OXTR: variants seen among roughly 807,000 people sequenced by gnomAD.
OXTR encodes oxytocin receptor.
In OXTR, 19 loss-of-function variants were observed where a neutral mutation model predicts 23.9. The ratio of observed to expected loss-of-function variants is 0.80; its 90% CI spans 0.56 to 1.17. The LOEUF (loss-of-function observed/expected upper bound fraction) is 1.17. OXTR is among the 50% of genes most tolerant of loss of function. The pLI, the probability that OXTR is intolerant of heterozygous loss-of-function variation, is 0.00. For missense variants in OXTR, 500 were observed against 550.7 expected, an observed-to-expected ratio of 0.91 and a Z score of 0.92; for synonymous variants, 278 against 250.5, an observed-to-expected ratio of 1.11 and a Z score of -1.04.
At chr3:8,748,609 T>C (rs578002891), downstream of OXTR, among the ~76,000 whole-genome samples, 37 of 152,208 alleles carry the variant, frequency 2.4e-4, no homozygotes, top group Non-Finnish European at 4.0e-4. Flanking sequence ...TAGTGCACTC[T>C]CTATCAAGCA....
At chr3:8,744,425 C>G in the OXTR span, among the ~76,000 whole-genome samples, 1 of 151,162 alleles carries the variant, frequency 6.6e-6, no homozygotes, top group African/African-American at 2.4e-5. Flanking sequence ...ACTACAGACA[C>G]CCGCTGCCAT....
rs1381645226 is a variant in OXTR at position 8,768,437 on chromosome 3, G to A, written c.-143+59C>T. 3.9e-5 allele frequency: 19 copies of A among 483,792 alleles called. No individual in the cohort carries two copies. The East Asian group carries it at 7.7e-4, about 20-fold the overall frequency. 30.0% of individuals were successfully genotyped at this position (483,792 alleles called of 1,614,324 possible). On this transcript the variant is annotated intron_variant, in intron 2 of 3. Transcript: ENST00000316793. The surrounding 1 kb of genome is among the most constrained non-coding windows in gnomAD (Gnocchi z 5.4). ...AACCCAACTCATCTGAAACAACAGGGCACAACCGCCGGCCTCGGGTTGCTC... is the reference window on the plus strand; with the variant it reads ...AACCCAACTCATCTGAAACAACAGGACACAACCGCCGGCCTCGGGTTGCTC...
In OXTR at chr3:8,768,037, G is replaced by A. The variant is rs753162423; in HGVS notation, c.151C>T (p.Leu51Phe). ...VEVAVLCLIL[L>F]LALSGNACVL... ...CACGCGTTCCCGCTCAGCGCCAGGAGCAGGATGAGACACAGCACCGCCACC... is the reference window on the plus strand; with the variant it reads ...CACGCGTTCCCGCTCAGCGCCAGGAACAGGATGAGACACAGCACCGCCACC... The change falls in exon 3 of 4, where the codon CTC becomes TTC. Residue 51 changes from leucine to phenylalanine, a missense_variant. Physicochemically the swap from Leu to Phe is conservative, Grantham distance 22 (BLOSUM62 0). Coordinates refer to ENST00000316793, the MANE Select transcript of OXTR (RefSeq NM_000916.4). This position sits in a 1 kb window ranked among gnomAD's most constrained non-coding sequence, Gnocchi z 5.4. The A allele has an allele frequency of 6.9e-6, 11 of 1,602,398 alleles. 2 individuals carry two copies. The South Asian group carries it at 1.2e-4, about 18-fold the overall frequency.
chr3:8,766,381 C>T (rs963153059), intron 3 of OXTR, among the ~76,000 whole-genome samples: 3 of 152,186 alleles, frequency 2.0e-5, no homozygotes, highest in Admixed American at 6.5e-5. Flanking sequence ...CTTCTATGCC[C>T]TCCTCTTAGC....
rs2125008476 is a variant in OXTR at position 8,768,137 on chromosome 3, G to A, written c.51C>T (p.Ser17=). 7.5e-7 allele frequency: 1 copy of A among 1,341,592 alleles called. No individual in the cohort carries two copies. Among genetic ancestry groups the A allele is most frequent in the South Asian group, 2.0e-5 (1 of 48,918 alleles). The allele number at this position is 1,341,592 out of a possible 1,614,324, so 83.1% of individuals were successfully genotyped here. The change falls in exon 3 of 4, where the codon AGC becomes AGT. Residue 17 remains serine, a synonymous_variant. Transcript: ENST00000316793. This position sits in a 1 kb window ranked among gnomAD's most constrained non-coding sequence, Gnocchi z 5.4. ...TGCCCTCGGCCCCCGGCGGCGCGGC[G>A]CTGGCGTTGGCTGCCTCGGCGCTCC... The part of the protein sequence containing the change: ...ANWSAEAANA[S]AAPPGAEGNR...
intron 3 of OXTR, 45 bp from the exon 4 acceptor site, chr3:8,753,269 A>G: frequency 6.2e-7 from 1 of 1,601,988 alleles, no homozygotes; most frequent in South Asian, 1.1e-5. Flanking sequence ...GCATTAATTA[A>G]CACTGGAGCC....
At chr3:8,742,792 C>T in the OXTR span, among the ~76,000 whole-genome samples, 1 of 152,004 alleles carries the variant, frequency 6.6e-6, no homozygotes. Context: ...GATGAGCAGG[C>T]AGATAGGTGG....
At chr3:8,753,457 C>T (rs1050849696) in intron 3 of OXTR, among the ~76,000 whole-genome samples, 4 of 152,220 alleles carry the variant, frequency 2.6e-5, no homozygotes, top group Non-Finnish European at 5.9e-5. Flanking sequence ...TTAGCCCAGG[C>T]TTGGAACTGT....
chr3:8,759,793 G>A (rs1321853290), intron 3 of OXTR, among the ~76,000 whole-genome samples: 1 of 152,222 alleles, frequency 6.6e-6, no homozygotes, highest in Non-Finnish European at 1.5e-5. Flanking sequence ...GCTCCCGGCT[G>A]AGCACAAAAG....
In OXTR at chr3:8,753,120, G is replaced by A. The variant is rs200035437; in HGVS notation, c.1027C>T (p.Arg343Cys). 2.5e-5 allele frequency: 40 copies of A among 1,614,038 alleles called. No homozygotes were observed. Among genetic ancestry groups the A allele is most frequent in the South Asian group, 5.5e-5 (5 of 91,092 alleles). ...TGHLFHELVQ[R>C]FLCCSASYLK... ...TAGCTGGCGGAGCAGCACAGGAAGC[G>A]CTGCACGAGTTCGTGGAAGAGGTGG... is the stretch of plus-strand genomic sequence containing the variant. Residue 343 changes from arginine (R) to cysteine (C), a missense_variant, in exon 4 of 4, where the codon CGC becomes TGC. Transcript: ENST00000316793.
chr3:8,756,294 A>C (rs1008905819), intron 3 of OXTR, among the ~76,000 whole-genome samples: 2 of 152,222 alleles, frequency 1.3e-5, no homozygotes, highest in African/African-American at 4.8e-5. Flanking sequence ...GAGCCCGCCC[A>C]GGAGAGTACA....
chr3:8,752,978 C>A lies in OXTR; in HGVS notation c.1169G>T (p.Ter390LeuextTer24), dbSNP rs1433792393. The stretch of plus-strand genomic sequence containing the variant: ...GCAGCCCTGGCCCTGGCTGGTGGGT[C>A]ACGCCGTGGATGGCTGGGAGCAGCT... ...QRSCSQPSTA[*>L] is the part of the protein sequence containing the mutation. Residue 390 changes from the stop codon to leucine (L), a stop_lost, in exon 4 of 4, where the codon TGA (stop) becomes TTA (leucine). Transcript: ENST00000316793. The A allele has an allele frequency of 6.2e-7, 1 of 1,609,640 alleles. No individual in the cohort carries two copies. Among genetic ancestry groups the A allele is most frequent in the South Asian group, 1.1e-5 (1 of 90,664 alleles).
chr3:8,769,571 G>A lies in OXTR; in HGVS notation c.-579C>T, dbSNP rs997785820. Reference sequence around the variant, plus strand: ...CGAGGCCAGCCGCGCAGACCCCTCCGGAGCGGAGCTGGTTCGCCCAGCGTT... The same window carrying A: ...CGAGGCCAGCCGCGCAGACCCCTCCAGAGCGGAGCTGGTTCGCCCAGCGTT... On this transcript the variant is annotated 5_prime_UTR_variant, in exon 1 of 4. Coordinates refer to ENST00000316793, the MANE Select transcript of OXTR (RefSeq NM_000916.4). 6.6e-6 allele frequency: 1 copy of A among 152,294 alleles called. No individual in the cohort carries two copies. Among genetic ancestry groups the A allele is most frequent in the African/African-American group, 2.4e-5 (1 of 41,474 alleles). The allele number at this position is 152,294 out of a possible 1,614,324, so 9.4% of individuals were successfully genotyped here. A position where few individuals can be genotyped will look rare whatever the true frequency, so the allele number is the denominator to read the frequency against.
chr3:8,743,271 C>T, the OXTR span, among the ~76,000 whole-genome samples: 1 of 152,108 alleles, frequency 6.6e-6, no homozygotes, highest in East Asian at 1.9e-4. Context: ...TGGATGAATA[C>T]ATGAAAGAAA....
intron 3 of OXTR, among the ~76,000 whole-genome samples, chr3:8,757,726 C>A (rs1423304416): frequency 6.6e-6 from 1 of 152,152 alleles, no homozygotes; most frequent in African/African-American, 2.4e-5. Flanking sequence ...CCCATCCTTG[C>A]CAGGAAGGGA....
rs1360904358 is a variant in OXTR, at chr3:8,752,742, T to G, written c.*235A>C. 7.9e-6 allele frequency: 4 copies of G among 508,938 alleles called. No individual in the cohort carries two copies. Among genetic ancestry groups the G allele is most frequent in the South Asian group, 6.5e-5 (2 of 30,574 alleles). 31.5% of individuals were successfully genotyped at this position (508,938 alleles called of 1,614,324 possible). ...AGCCACTCACTGCCCAGGGCAGCAGTGGGTTCAGGGTGGTAGAAGTACGTG... is the reference window on the plus strand; with the variant it reads ...AGCCACTCACTGCCCAGGGCAGCAGGGGGTTCAGGGTGGTAGAAGTACGTG... On this transcript the variant is annotated 3_prime_UTR_variant, in exon 4 of 4. Transcript: ENST00000316793.
In OXTR at chr3:8,767,879, G is replaced by A; in HGVS notation, c.309C>T (p.Phe103=). The change falls in exon 3 of 4, where the codon TTC becomes TTT. Residue 103 remains phenylalanine (F), a synonymous_variant. Transcript: ENST00000316793. Reference sequence around the variant, plus strand: ...ACAGCAGGTCGGGCCCGTAGAAGCGGAAGGTGATGTCCCACAGCAACTGCG... The same window carrying A: ...ACAGCAGGTCGGGCCCGTAGAAGCGAAAGGTGATGTCCCACAGCAACTGCG... ...VLPQLLWDIT[F]RFYGPDLLCR... 1 of 1,613,694 alleles carries A rather than the reference G, an allele frequency of 6.2e-7. No homozygotes were observed. The highest frequency in any genetic ancestry group is 8.5e-7 in the Non-Finnish European group (1 of 1,179,844).
chr3:8,767,429 C>T lies in OXTR; in HGVS notation c.759G>A (p.Gly253=), dbSNP rs1408832866. Residue 253 remains glycine, a synonymous_variant, in exon 3 of 4, where the codon GGG becomes GGA. Coordinates refer to ENST00000316793, the MANE Select transcript of OXTR (RefSeq NM_000916.4). ...TGCTGACACGCGCCAGGGCCACGCG[C>T]CCCCCATCGCCAGCCGCCGCGCCCT... The part of the protein sequence containing the change: ...APEGAAAGDG[G]RVALARVSSV... The T allele has an allele frequency of 1.2e-6, 2 of 1,605,480 alleles. No individual in the cohort carries two copies. The highest frequency in any genetic ancestry group is 2.2e-5 in the East Asian group (1 of 44,568).
At chr3:8,747,354 T>C (rs1244403073), downstream of OXTR, among the ~76,000 whole-genome samples, 2 of 152,226 alleles carry the variant, frequency 1.3e-5, no homozygotes, top group Non-Finnish European at 2.9e-5. Flanking sequence ...TAACATTGTA[T>C]GTAAATTTCA....
Sources: gnomAD v4.1 joint callset for allele counts (sites outside exome capture counted in the v4.1 genomes callset) on GRCh38, gnomAD v4.1.1 for gene constraint, Gnocchi (gnomAD v3.1) non-coding constraint, MANE v1.5 for transcripts, NCBI Gene and HGNC (gene_info 2026-07-23, HGNC 2026-07-21) for gene names.